IMMT: variants seen among roughly 807,000 people sequenced by gnomAD.
The protein encoded by IMMT is inner membrane mitochondrial protein.
Under a neutral mutation model 92.7 loss-of-function variants are expected in IMMT, and 40 were observed. The observed-to-expected ratio is 0.43, with a 90% CI of 0.34 to 0.56. IMMT has a LOEUF of 0.56. Among genes scored for constraint, IMMT ranks in the 20% least tolerant of loss-of-function variants. IMMT has a pLI of 0.03. For missense variants in IMMT, 831 were observed against 912.1 expected, an observed-to-expected ratio of 0.91 and a Z score of 1.14; for synonymous variants, 322 against 336.1, an observed-to-expected ratio of 0.96 and a Z score of 0.46.
chr2:86,179,575 C>G lies in IMMT; in HGVS notation c.167G>C (p.Gly56Ala). The change falls in exon 3 of 15, where the codon GGA (glycine) becomes GCA (alanine). Residue 56 changes from glycine to alanine, a missense_variant. Physicochemically the swap from Gly to Ala is moderately conservative, Grantham distance 60. Coordinates refer to ENST00000410111, the MANE Select transcript of IMMT (RefSeq NM_006839.3). The part of the protein sequence containing the change: ...IAGAGLLFVG[G>A]GIGGTILYAK... ...ATATAGGATAGTGCCACCAATACCT[C>G]CACCAACAAACAAAAGGCCAGCTCC... 6.2e-7 allele frequency: 1 copy of G among 1,604,788 alleles called. No homozygotes were observed. The highest frequency in any genetic ancestry group is 8.5e-7 in the Non-Finnish European group (1 of 1,177,480).
At chr2:86,189,621 AGGTTCC>A (rs1672995480) in intron 1 of IMMT, among the ~76,000 whole-genome samples, 1 of 152,176 alleles carries the variant, frequency 6.6e-6, no homozygotes, top group African/African-American at 2.4e-5. Context: ...CTCTAACTAG[AGGTTCC>A]AGGTTTCCTC....
At chr2:86,151,026 C>T (rs1022321251) in intron 12 of IMMT, among the ~76,000 whole-genome samples, 1 of 151,766 alleles carries the variant, frequency 6.6e-6, no homozygotes, top group African/African-American at 2.4e-5. Context: ...AAGTGGTTCT[C>T]CTGCCTCAGC....
intron 1 of IMMT, among the ~76,000 whole-genome samples, chr2:86,184,567 C>G (rs887982721): frequency 1.3e-5 from 2 of 151,832 alleles, no homozygotes; most frequent in African/African-American, 2.4e-5. Context: ...CTACAGATAA[C>G]CAAACATATG....
chr2:86,174,260 T>A (rs1000178117), intron 3 of IMMT, among the ~76,000 whole-genome samples: 18 of 152,236 alleles, frequency 1.2e-4, no homozygotes, highest in African/African-American at 4.1e-4. Flanking sequence ...TGCCTTCCCC[T>A]TTCCCAATTA....
In IMMT at chr2:86,161,965, T is replaced by C. The variant is rs200953787; in HGVS notation, c.896+11A>G. ...GGCCCTAATTACTTGTTAAAGTCCA[T>C]GAGTAATTACTTGGCTTTGAGAAGG... On this transcript the variant is annotated intron_variant, in intron 8 of 14. Transcript: ENST00000410111. 1.8e-3 allele frequency: 2,852 copies of C among 1,552,590 alleles called. 7 individuals carry two copies. The highest frequency in any genetic ancestry group is 2.3e-3 in the Admixed American group (129 of 55,574).
intron 4 of IMMT, among the ~76,000 whole-genome samples, chr2:86,173,271 A>C (rs1418438489): frequency 6.6e-6 from 1 of 152,198 alleles, no homozygotes; most frequent in Non-Finnish European, 1.5e-5. Flanking sequence ...TCACTAAGAA[A>C]GAAGAGAGGA....
At chr2:86,175,678 A>C (rs973916980) in intron 3 of IMMT, among the ~76,000 whole-genome samples, 6 of 152,076 alleles carry the variant, frequency 3.9e-5, no homozygotes, top group African/African-American at 1.4e-4. Flanking sequence ...AATGCACAGC[A>C]ACAAGTTGAC....
At chr2:86,159,471 T>C (rs1211880306) in intron 9 of IMMT, 65 bp downstream of exon 9, 3 of 1,260,380 alleles carry the variant, frequency 2.4e-6, no homozygotes, top group Non-Finnish European at 3.4e-6. Context: ...TTTTCCTAAA[T>C]CCTTAAAATC....
intron 7 of IMMT, among the ~76,000 whole-genome samples, chr2:86,164,661 A>C (rs1295792813): frequency 1.4e-5 from 2 of 143,530 alleles, no homozygotes; most frequent in African/African-American, 5.1e-5. Context: ...ACTGCACTAC[A>C]GCCTGGTGAC....
chr2:86,157,804 G>GGA (rs1304014472), intron 10 of IMMT, among the ~76,000 whole-genome samples: 1 of 111,842 alleles, frequency 8.9e-6, no homozygotes, highest in African/African-American at 3.2e-5. Context: ...AAAAAAAAAA[G>GGA]AAAAAAAAAA....
rs1260846036 is a variant in IMMT at position 86,170,822 on chromosome 2, T to C, written c.582A>G (p.Ile194Met). 2 of 1,585,138 alleles carry C rather than the reference T, an allele frequency of 1.3e-6. No homozygotes were observed. Among genetic ancestry groups the C allele is most frequent in the Non-Finnish European group, 1.7e-6 (2 of 1,163,900 alleles). The change falls in exon 6 of 15, where the codon ATA (isoleucine) becomes ATG (methionine). Residue 194 changes from isoleucine (I) to methionine (M), a missense_variant. Physicochemically the swap from Ile to Met is conservative, Grantham distance 10. Transcript: ENST00000410111. ...CAACTTCTTCAGGTGGTCGCTCCCT[T>C]ATAGAAGATGAGGATGCTTCTTCTT... is the stretch of plus-strand genomic sequence containing the variant. ...ALSEEASSSS[I>M]RERPPEEVAA...
At chr2:86,191,661 T>A (rs1558845080) in intron 1 of IMMT, among the ~76,000 whole-genome samples, 1 of 148,462 alleles carries the variant, frequency 6.7e-6, no homozygotes, top group Non-Finnish European at 1.5e-5. Context: ...CCCAGCACTT[T>A]GGGAGGCCAA....
chr2:86,165,627 G>T (rs539904604), intron 7 of IMMT, among the ~76,000 whole-genome samples: 24 of 152,116 alleles, frequency 1.6e-4, no homozygotes, highest in Non-Finnish European at 2.9e-4. Context: ...CTCCTTAAAT[G>T]ACTTGGAATA....
At chr2:86,185,139 C>A (rs947711408) in intron 1 of IMMT, among the ~76,000 whole-genome samples, 1 of 151,472 alleles carries the variant, frequency 6.6e-6, no homozygotes, top group Non-Finnish European at 1.5e-5. Flanking sequence ...GAGATTGCGC[C>A]AGCCTGGGTG....
chr2:86,184,377 T>C (rs757090474), intron 1 of IMMT, among the ~76,000 whole-genome samples: 6 of 152,148 alleles, frequency 3.9e-5, no homozygotes, highest in African/African-American at 9.7e-5. Flanking sequence ...AGGTCTGCTA[T>C]GTTACCCAAG....
chr2:86,158,835 A>C, intron 9 of IMMT, 114 bp from the exon 10 acceptor site: 1 of 851,940 alleles, frequency 1.2e-6, no homozygotes. Context: ...ATGTGTAAGG[A>C]AATCTGAAGC....
chr2:86,186,942 T>A (rs1176159257), intron 1 of IMMT, among the ~76,000 whole-genome samples: 2 of 152,206 alleles, frequency 1.3e-5, no homozygotes, highest in African/African-American at 4.8e-5. Flanking sequence ...TGGAAGCCTC[T>A]GCAAGTTTAG....
intron 6 of IMMT, among the ~76,000 whole-genome samples, chr2:86,169,072 A>G (rs1676917661): frequency 6.6e-6 from 1 of 152,228 alleles, no homozygotes; most frequent in African/African-American, 2.4e-5. Flanking sequence ...GCATATGTGT[A>G]TATTTTTAAA....
At chr2:86,185,354 C>T (rs1471285449) in intron 1 of IMMT, among the ~76,000 whole-genome samples, 3 of 152,088 alleles carry the variant, frequency 2.0e-5, no homozygotes, top group Admixed American at 2.0e-4. Context: ...AAAAATAAAA[C>T]TGCTTATTGT....
Sources: allele counts gnomAD v4.1 joint callset (sites outside exome capture counted in the v4.1 genomes callset), GRCh38; gene constraint gnomAD v4.1.1; transcripts MANE v1.5; gene names NCBI Gene and HGNC (gene_info 2026-07-23, HGNC 2026-07-21).